The following LRP1 variants were observed in gnomAD, a reference collection of about 807,000 sequenced individuals.
The protein encoded by LRP1 is prolow-density lipoprotein receptor-related protein 1.
LRP1 carries 51 observed loss-of-function variants against 541.5 expected under a neutral mutation model. The observed-to-expected ratio is 0.09, with a 90% CI of 0.08 to 0.12. The LOEUF (loss-of-function observed/expected upper bound fraction) is 0.12. Among genes scored for constraint, LRP1 ranks in the 10% least tolerant of loss-of-function variants. LRP1 has a pLI of 1.00. For synonymous variants in LRP1, 2,219 were observed against 2,470.8 expected (o/e 0.90, Z 3.02); for missense variants, 3,878 against 6,376.2 (o/e 0.61, Z 13.34).
At chr12:57,171,129 G>A (rs1334218028) in intron 20 of LRP1, among the ~76,000 whole-genome samples, 1 of 152,320 alleles carries the variant, frequency 6.6e-6, no homozygotes, top group East Asian at 1.9e-4. Flanking sequence ...GTGGTGTGGT[G>A]AGAAGAGCTC....
Position 57,185,472 on chromosome 12 carries a change from A to G in LRP1, c.6464-59A>G. 6.6e-7 allele frequency: 1 copy of G among 1,512,486 alleles called. No homozygotes were observed. The highest frequency in any genetic ancestry group is 8.8e-7 in the Non-Finnish European group (1 of 1,134,656). The allele number at this position is 1,512,486 out of a possible 1,614,324, so 93.7% of individuals were successfully genotyped here. A position where few individuals can be genotyped will look rare whatever the true frequency, so the allele number is the denominator to read the frequency against. On this transcript the variant is annotated intron_variant, in intron 40 of 88. Coordinates refer to ENST00000243077, the MANE Select transcript of LRP1 (RefSeq NM_002332.3). This position sits in a 1 kb window ranked among gnomAD's most constrained non-coding sequence, Gnocchi z 4.9. ...GCTTTCGCCAAAGCCTGGATGACAA[A>G]GGCACCAGTGAGCCTTTCCCAAGGC...
At chr12:57,136,870 G>A (rs2035181538) in intron 1 of LRP1, among the ~76,000 whole-genome samples, 1 of 152,184 alleles carries the variant, frequency 6.6e-6, no homozygotes, top group Non-Finnish European at 1.5e-5. Flanking sequence ...TTGTCATACT[G>A]TGGAGGGAAT....
chr12:57,192,796 C>A, intron 44 of LRP1, 49 bp from the exon 45 acceptor site: 1 of 1,612,082 alleles, frequency 6.2e-7, no homozygotes, highest in South Asian at 1.1e-5. Context: ...TGGGTGCATG[C>A]ACAGCAGAGA....
intron 6 of LRP1, among the ~76,000 whole-genome samples, chr12:57,152,315 G>T (rs146716657): frequency 6.6e-6 from 1 of 152,038 alleles, no homozygotes; most frequent in African/African-American, 2.4e-5. Flanking sequence ...CCGTAGCTGC[G>T]CCAGCTGGTG....
chr12:57,176,166 C>T (rs1432125274), intron 24 of LRP1, 60 bp downstream of exon 24: 1 of 1,550,438 alleles, frequency 6.4e-7, no homozygotes, highest in Admixed American at 1.7e-5. Flanking sequence ...GCGCTAGGGG[C>T]CACAGGTCCC....
intron 1 of LRP1, among the ~76,000 whole-genome samples, chr12:57,136,394 A>AGC (rs1373073790): frequency 9.1e-5 from 5 of 55,244 alleles, no homozygotes; most frequent in Non-Finnish European, 1.5e-4. Flanking sequence ...CCCTCCTAAG[A>AGC]GCCCCCCCCC....
At chr12:57,136,395 G>GGCC (rs1555179757) in intron 1 of LRP1, among the ~76,000 whole-genome samples, 11 of 99,124 alleles carry the variant, frequency 1.1e-4, no homozygotes, top group Admixed American at 5.3e-4. Flanking sequence ...CCTCCTAAGA[G>GGCC]CCCCCCCCCC....
In LRP1 at chr12:57,184,468, T is replaced by C. The variant is rs1565739409; in HGVS notation, c.6186+16T>C. On this transcript the variant is annotated intron_variant, in intron 38 of 88. Transcript: ENST00000243077. This position sits in a 1 kb window ranked among gnomAD's most constrained non-coding sequence, Gnocchi z 7.8. ...GGACTACCAGGTTCGCACGCCAACT[T>C]GGCCTTGGATCCGATGGTAGACCCC... 1 of 1,614,100 alleles carries C rather than the reference T, an allele frequency of 6.2e-7. No homozygotes were observed. Among genetic ancestry groups the C allele is most frequent in the East Asian group, 2.2e-5 (1 of 44,882 alleles).
At chr12:57,187,550 G>C in intron 42 of LRP1, 94 bp downstream of exon 42, 2 of 1,282,290 alleles carry the variant, frequency 1.6e-6, no homozygotes, top group East Asian at 2.5e-5. Flanking sequence ...GTGCAGGAGA[G>C]GCAGGCCCTC....
rs200088770 is a variant in LRP1, at chr12:57,158,652, G to A, written c.1798+14G>A. 232 of 1,610,354 alleles carry A rather than the reference G, an allele frequency of 1.4e-4. 1 individual carries two copies. In the Middle Eastern group the frequency reaches 3.3e-3, roughly 23 times the overall value. On this transcript the variant is annotated intron_variant, in intron 11 of 88. Coordinates refer to ENST00000243077, the MANE Select transcript of LRP1 (RefSeq NM_002332.3). The surrounding 1 kb of genome is among the most constrained non-coding windows in gnomAD (Gnocchi z 5.3). ...TCCTGAAGGACGGTATGGGCTCCTA[G>A]GGATGTGGCCCATGGGGATGGAAGG...
rs1404851418 is a variant in LRP1, at chr12:57,129,018, G to A, written c.54G>A (p.Ala18=). The A allele has an allele frequency of 2.6e-6, 4 of 1,551,340 alleles. No individual in the cohort carries two copies. The highest frequency in any genetic ancestry group is 1.4e-5 in the African/African-American group (1 of 73,016). ...TGCCCCTGCTCTCAGCTCTGGTCGC[G>A]GCGGCTATCGACGGTGAGTGAGATT... ...LLLPLLSALV[A]AAIDAPKTCS... is the part of the protein sequence containing the mutation. Residue 18 remains alanine, a synonymous_variant, in exon 1 of 89, where the codon GCG becomes GCA. Coordinates refer to ENST00000243077, the MANE Select transcript of LRP1 (RefSeq NM_002332.3).
At chr12:57,137,749 T>C (rs1458547182) in intron 1 of LRP1, among the ~76,000 whole-genome samples, 1 of 151,798 alleles carries the variant, frequency 6.6e-6, no homozygotes, top group Non-Finnish European at 1.5e-5. Context: ...TGAGCTGAGA[T>C]TGTGCCACTG....
chr12:57,142,595 GCTTA>G (rs1475872834), intron 3 of LRP1, among the ~76,000 whole-genome samples: 1 of 152,166 alleles, frequency 6.6e-6, no homozygotes, highest in Non-Finnish European at 1.5e-5. Flanking sequence ...GTGTGTTCAA[GCTTA>G]CTTCCTTTTG....
chr12:57,138,401 G>C, intron 1 of LRP1, 58 bp from the exon 2 acceptor site: 2 of 1,595,946 alleles, frequency 1.3e-6, no homozygotes, highest in Non-Finnish European at 1.7e-6. Context: ...GGGGACTTTG[G>C]GTTCACAGAG....
At position 57,129,040 on chromosome 12, in the gene LRP1, G is replaced by C; in HGVS notation, c.67+9G>C. 1 of 1,551,434 alleles carries C rather than the reference G, an allele frequency of 6.4e-7. No individual in the cohort carries two copies. Among genetic ancestry groups the C allele is most frequent in the Non-Finnish European group, 8.7e-7 (1 of 1,146,860 alleles). Reference sequence around the variant, plus strand: ...CGCGGCGGCTATCGACGGTGAGTGAGATTCCGCGTCCCCCTTGGACCCCTG... The same window carrying C: ...CGCGGCGGCTATCGACGGTGAGTGACATTCCGCGTCCCCCTTGGACCCCTG... On this transcript the variant is annotated intron_variant, in intron 1 of 88. Transcript: ENST00000243077.
chr12:57,149,032 GGGGAGGCAAAGAA>G, intron 6 of LRP1: 1 of 655,360 alleles, frequency 1.5e-6, no homozygotes, highest in Non-Finnish European at 2.8e-6. Flanking sequence ...TTTGTCTAGA[GGGGAGGCAAAGAA>G]GGGGCAGACA....
At position 57,166,142 on chromosome 12, in the gene LRP1, C is replaced by T; in HGVS notation, c.2730C>T (p.Asn910=). The change falls in exon 17 of 89, where the codon AAC becomes AAT. Residue 910 remains asparagine (N), a synonymous_variant. Coordinates refer to ENST00000243077, the MANE Select transcript of LRP1 (RefSeq NM_002332.3). The stretch of plus-strand genomic sequence containing the variant: ...GCGAGAACAACCGGTGCATCCCCAA[C>T]CGCTGGCTCTGCGACGGGGACAATG... ...FKCENNRCIP[N]RWLCDGDNDC... 1 of 1,614,224 alleles carries T rather than the reference C, an allele frequency of 6.2e-7. No individual in the cohort carries two copies. Among genetic ancestry groups the T allele is most frequent in the Non-Finnish European group, 8.5e-7 (1 of 1,180,048 alleles).
chr12:57,173,914 C>T lies in LRP1; in HGVS notation c.3481C>T (p.Pro1161Ser), dbSNP rs1403948733. The T allele has an allele frequency of 3.1e-6, 5 of 1,614,220 alleles. No individual in the cohort carries two copies. Among genetic ancestry groups the T allele is most frequent in the Admixed American group, 3.3e-5 (2 of 60,034 alleles). ...PCANNTSVCL[P>S]PDKLCDGNDD... ...TGCCAACAACACCTCAGTCTGCCTG[C>T]CCCCTGACAAGCTGTGTGATGGCAA... Residue 1161 changes from proline (P) to serine (S), a missense_variant, in exon 22 of 89, where the codon CCC becomes TCC. Physicochemically the swap from Pro to Ser is moderately conservative, Grantham distance 74. This residue lies in a region of LRP1 where 320 missense variants were observed against 547.9 expected (regional missense o/e 0.58). Coordinates refer to ENST00000243077, the MANE Select transcript of LRP1 (RefSeq NM_002332.3). This position sits in a 1 kb window ranked among gnomAD's most constrained non-coding sequence, Gnocchi z 4.7.
At position 57,212,683 on chromosome 12, in the gene LRP1, T is replaced by G; in HGVS notation, c.*128T>G. 3.6e-5 allele frequency: 33 copies of G among 928,280 alleles called. No individual in the cohort carries two copies. Among genetic ancestry groups the G allele is most frequent in the Non-Finnish European group, 4.9e-5 (31 of 635,254 alleles). 57.5% of individuals were successfully genotyped at this position (928,280 alleles called of 1,614,324 possible). A position where few individuals can be genotyped will look rare whatever the true frequency, so the allele number is the denominator to read the frequency against. On this transcript the variant is annotated 3_prime_UTR_variant, in exon 89 of 89. Coordinates refer to ENST00000243077, the MANE Select transcript of LRP1 (RefSeq NM_002332.3). The surrounding 1 kb of genome is among the most constrained non-coding windows in gnomAD (Gnocchi z 5.0). Reference sequence around the variant, plus strand: ...TGTATAAATGTAAAAATGAAGGAATTACATTTTATATGTGAGCGAGCAAGC... The same window carrying G: ...TGTATAAATGTAAAAATGAAGGAATGACATTTTATATGTGAGCGAGCAAGC...
Sources: allele counts gnomAD v4.1 joint callset (sites outside exome capture counted in the v4.1 genomes callset), GRCh38; gene constraint gnomAD v4.1.1; regional missense constraint gnomAD v4.1.1; non-coding constraint Gnocchi (gnomAD v3.1); transcripts MANE v1.5; gene names NCBI Gene and HGNC (gene_info 2026-07-23, HGNC 2026-07-21).